Variants in FSD1L observed in about 807,000 individuals in gnomAD.
The protein encoded by FSD1L is fibronectin type III and SPRY domain containing 1 like.
In FSD1L, 45 loss-of-function variants were observed where a neutral mutation model predicts 71.6. The ratio of observed to expected loss-of-function variants is 0.63; its 90% CI spans 0.49 to 0.81. The LOEUF (loss-of-function observed/expected upper bound fraction) is 0.81. FSD1L is among the 30% of genes least tolerant of loss of function. FSD1L has a pLI of 0.00. For synonymous variants in FSD1L, 197 were observed against 207.2 expected (o/e 0.95, Z 0.42); for missense variants, 561 against 618.1 (o/e 0.91, Z 0.98).
rs1312834268 is a variant in FSD1L, at chr9:105,514,202, T to A, written c.1025+1266T>A. ...AGAATGTGTTCTCTTTTCAAAATTA[T>A]CTTCCTCTTATTTTCAGTTTATGTA... On this transcript the variant is annotated intron_variant, in intron 10 of 13. Coordinates refer to ENST00000481272, the MANE Select transcript of FSD1L (RefSeq NM_001145313.3). Among the ~76,000 whole-genome samples, 2 of 152,234 alleles carry A rather than the reference T, an allele frequency of 1.3e-5. 1 individual carries two copies. Among genetic ancestry groups the A allele is most frequent in the Non-Finnish European group, 2.9e-5 (2 of 68,030 alleles).
At chr9:105,530,110 T>C (rs1835798348) in intron 10 of FSD1L, among the ~76,000 whole-genome samples, 1 of 152,218 alleles carries the variant, frequency 6.6e-6, no homozygotes, top group Non-Finnish European at 1.5e-5. Flanking sequence ...GTAAGTAGTA[T>C]AGAAGTAAAT....
chr9:105,513,257 C>T (rs1431088688), intron 10 of FSD1L, among the ~76,000 whole-genome samples: 3 of 152,058 alleles, frequency 2.0e-5, no homozygotes, highest in African/African-American at 7.2e-5. Flanking sequence ...ACTTATAGAT[C>T]ACCTATCTTA....
intron 10 of FSD1L, among the ~76,000 whole-genome samples, chr9:105,514,000 C>A (rs1451831867): frequency 6.6e-6 from 1 of 152,164 alleles, no homozygotes; most frequent in East Asian, 1.9e-4. Flanking sequence ...ATTTGACACA[C>A]AGCAGGTTTG....
upstream of FSD1L, among the ~76,000 whole-genome samples, chr9:105,444,563 CAGAG>C (rs1441022203): frequency 1.3e-5 from 2 of 152,176 alleles, 1 homozygote; most frequent in East Asian, 3.9e-4. Flanking sequence ...TGGCACCACT[CAGAG>C]AGGATACAGA....
chr9:105,471,897 T>C lies in FSD1L; in HGVS notation c.340-7T>C, dbSNP rs765094153. 6.4e-5 allele frequency: 72 copies of C among 1,133,128 alleles called. No individual in the cohort carries two copies. Among genetic ancestry groups the C allele is most frequent in the African/African-American group, 9.9e-5 (6 of 60,720 alleles). 70.2% of individuals were successfully genotyped at this position (1,133,128 alleles called of 1,614,324 possible). ...TAATGACTTAGTTTTTTTTTTTTTT[T>C]CCCTAGAGTCAGATTAGTCAATGTA... On this transcript the variant is annotated splice_region_variant and splice_polypyrimidine_tract_variant and intron_variant, in intron 4 of 13. Coordinates refer to ENST00000481272, the MANE Select transcript of FSD1L (RefSeq NM_001145313.3).
At chr9:105,512,014 T>G (rs1834421532) in intron 9 of FSD1L, among the ~76,000 whole-genome samples, 1 of 152,084 alleles carries the variant, frequency 6.6e-6, no homozygotes, top group South Asian at 2.1e-4. Flanking sequence ...GAGTTATATT[T>G]TAAGATAAAA....
intron 10 of FSD1L, chr9:105,522,968 C>G (rs1409741636): frequency 6.3e-5 from 102 of 1,613,830 alleles, no homozygotes; most frequent in Non-Finnish European, 8.0e-5. Flanking sequence ...GTGATCTTAT[C>G]AGCTCAGATA....
Position 105,535,161 on chromosome 9 carries a change from G to A in FSD1L, c.1221G>A (p.Leu407=). Residue 407 remains leucine, a synonymous_variant, in exon 12 of 14, where the codon TTG becomes TTA. Transcript: ENST00000481272. The part of the protein sequence containing the change: ...SYSVGVAYKT[L]GKFDQLGKTN... ...GTGTGGGAGTAGCATACAAAACGTT[G>A]GGGAAATTTGACCAATTGGGAAAGA... The A allele has an allele frequency of 1.3e-6, 2 of 1,551,912 alleles. No individual in the cohort carries two copies. The highest frequency in any genetic ancestry group is 1.7e-6 in the Non-Finnish European group (2 of 1,147,032).
rs374029270 is a variant in FSD1L, at chr9:105,530,927, A to G, written c.1026-3566A>G. 6.1e-5 allele frequency: 12 copies of G among 197,384 alleles called. No individual in the cohort carries two copies. In the East Asian group the frequency reaches 1.3e-3, roughly 21 times the overall value. The allele number at this position is 197,384 out of a possible 1,614,324, so 12.2% of individuals were successfully genotyped here. On this transcript the variant is annotated intron_variant, in intron 10 of 13. Transcript: ENST00000481272. Reference sequence around the variant, plus strand: ...TACACCTACTCTGTACTGAGGATACAGAGATGAGATGTGGTTCCTAGCAAC... The same window carrying G: ...TACACCTACTCTGTACTGAGGATACGGAGATGAGATGTGGTTCCTAGCAAC...
At chr9:105,524,974 A>G in intron 10 of FSD1L, 1 of 1,608,984 alleles carries the variant, frequency 6.2e-7, no homozygotes, top group Non-Finnish European at 8.5e-7. Flanking sequence ...TCCAGATCAG[A>G]TCAGAAGAGA....
chr9:105,472,396 A>G (rs1341926733), intron 5 of FSD1L: 1 of 168,664 alleles, frequency 5.9e-6, no homozygotes, highest in African/African-American at 2.4e-5. Flanking sequence ...TATGTTTAGT[A>G]TAAAAATGTA....
intron 13 of FSD1L, among the ~76,000 whole-genome samples, chr9:105,540,796 A>C (rs149853037): frequency 2.6e-5 from 4 of 152,274 alleles, no homozygotes; most frequent in African/African-American, 7.2e-5. Flanking sequence ...TTCAGGCTGA[A>C]AAGAAAAATT....
At chr9:105,493,909 C>T (rs1466997545) in intron 7 of FSD1L, among the ~76,000 whole-genome samples, 1 of 152,172 alleles carries the variant, frequency 6.6e-6, no homozygotes, top group Non-Finnish European at 1.5e-5. Context: ...GATAACCCGA[C>T]CTTTCTCTCT....
At chr9:105,503,357 T>C (rs960787894) in intron 7 of FSD1L, among the ~76,000 whole-genome samples, 9 of 152,216 alleles carry the variant, frequency 5.9e-5, no homozygotes, top group Non-Finnish European at 2.9e-5. Flanking sequence ...TAGTACATTA[T>C]ATGTAGTAAT....
intron 6 of FSD1L, among the ~76,000 whole-genome samples, chr9:105,479,605 T>C (rs1047324667): frequency 3.9e-5 from 6 of 152,220 alleles, no homozygotes; most frequent in Non-Finnish European, 8.8e-5. Context: ...TCATTTCTGG[T>C]GTAGAAATAT....
At chr9:105,468,034 C>CT (rs1278965296) in intron 3 of FSD1L, among the ~76,000 whole-genome samples, 159 bp from the exon 4 acceptor site, 5 of 152,290 alleles carry the variant, frequency 3.3e-5, no homozygotes, top group African/African-American at 9.6e-5. Flanking sequence ...GCATTTATCT[C>CT]TTTTTAAAGC....
chr9:105,529,196 A>G (rs955594679), intron 10 of FSD1L, among the ~76,000 whole-genome samples: 1 of 152,194 alleles, frequency 6.6e-6, no homozygotes, highest in Non-Finnish European at 1.5e-5. Flanking sequence ...TAGTTCAACC[A>G]TTGTTGAAGA....
intron 5 of FSD1L, chr9:105,473,231 A>G (rs964598135): frequency 4.6e-5 from 7 of 152,262 alleles, no homozygotes; most frequent in Non-Finnish European, 8.8e-5. Flanking sequence ...GCCTGAGCCT[A>G]GGAAGTTGAG....
At chr9:105,508,495 C>T in intron 8 of FSD1L, 122 bp from the exon 9 acceptor site, 1 of 625,212 alleles carries the variant, frequency 1.6e-6, no homozygotes, top group Non-Finnish European at 2.9e-6. Flanking sequence ...ACTCTTTTAA[C>T]AAATTCATAC....
Sources: gnomAD v4.1 joint callset for allele counts (sites outside exome capture counted in the v4.1 genomes callset) on GRCh38, gnomAD v4.1.1 for gene constraint, MANE v1.5 for transcripts, NCBI Gene and HGNC (gene_info 2026-07-23, HGNC 2026-07-21) for gene names.